Variants in TAF4B observed in about 807,000 individuals in gnomAD.
TAF4B encodes the protein transcription initiation factor TFIID subunit 4B.
TAF4B carries 38 observed loss-of-function variants against 86.4 expected under a neutral mutation model. The ratio of observed to expected loss-of-function variants is 0.44; its 90% CI spans 0.34 to 0.58. The LOEUF is 0.58. Ranked by LOEUF, TAF4B falls within the 20% of genes least tolerant of loss-of-function variation. The probability of loss-of-function intolerance (pLI) is 0.02; values close to 1 mark genes in which losing one functional copy is unlikely to be tolerated. For missense variants in TAF4B, 988 were observed against 1,027.6 expected, an observed-to-expected ratio of 0.96 and a Z score of 0.53; for synonymous variants, 388 against 391.2, an observed-to-expected ratio of 0.99 and a Z score of 0.10.
chr18:26,384,230 A>AT (rs1413856389), intron 14 of TAF4B, among the ~76,000 whole-genome samples: 1 of 152,174 alleles, frequency 6.6e-6, no homozygotes, highest in Non-Finnish European at 1.5e-5. Context: ...TTGCCTCTTG[A>AT]TTCCTCTATT....
chr18:26,321,329 A>C (rs1246323552), intron 11 of TAF4B, 129 bp downstream of exon 11: 3 of 927,840 alleles, frequency 3.2e-6, no homozygotes, highest in Admixed American at 5.6e-5. Flanking sequence ...TGGAAAATCA[A>C]AGTCTCATTC....
Position 26,357,725 on chromosome 18 carries a change from A to T in TAF4B, c.2352A>T (p.Arg784Ser). Residue 784 changes from arginine to serine, a missense_variant, in exon 14 of 15, where the codon AGA (arginine) becomes AGT (serine). Coordinates refer to ENST00000269142, the MANE Select transcript of TAF4B (RefSeq NM_005640.3). ...TGGAACTTGCACAGATACAGCATAG[A>T]GACGCTAATCTCACAGCTCTTGCAG... Reference protein sequence around the residue: ...QQLELAQIQHRDANLTALAAI... With the variant: ...QQLELAQIQHSDANLTALAAI... 1.2e-6 allele frequency: 2 copies of T among 1,613,146 alleles called. No homozygotes were observed. Among genetic ancestry groups the T allele is most frequent in the Non-Finnish European group, 1.7e-6 (2 of 1,179,522 alleles).
chr18:26,227,693 G>A (rs1327854422), intron 1 of TAF4B, among the ~76,000 whole-genome samples: 1 of 152,138 alleles, frequency 6.6e-6, no homozygotes, highest in Non-Finnish European at 1.5e-5. Flanking sequence ...TCGCTCTGTC[G>A]CCCAGTCTGG....
intron 3 of TAF4B, among the ~76,000 whole-genome samples, chr18:26,273,102 A>G (rs147747991): frequency 2.5e-4 from 38 of 152,342 alleles, no homozygotes; most frequent in Middle Eastern, 6.8e-3. Flanking sequence ...TGAACTGAAC[A>G]GCTTTCCCTA....
In TAF4B at chr18:26,286,357, C is replaced by A. The variant is rs1598759688; in HGVS notation, c.1448C>A (p.Ser483Tyr). 2.5e-6 allele frequency: 4 copies of A among 1,614,222 alleles called. 1 individual carries two copies. The highest frequency in any genetic ancestry group is 3.4e-6 in the Non-Finnish European group (4 of 1,180,044). ...ETSGAAICLP[S>Y]VKPVVSSAGT... ...TCAGGTGCAGCTATTTGTCTTCCAT[C>A]TGTGAAACCTGTTGTTTCTTCTGCT... Residue 483 changes from serine (S) to tyrosine (Y), a missense_variant, in exon 7 of 15, where the codon TCT becomes TAT. By Grantham distance (144) the Ser-to-Tyr change is moderately radical. Around this residue, in one of 3 missense-constraint regions of TAF4B, gnomAD observed 747 missense variants for 737.9 expected, o/e 1.01. Coordinates refer to ENST00000269142, the MANE Select transcript of TAF4B (RefSeq NM_005640.3).
chr18:26,338,958 A>G (rs2057114766), intron 13 of TAF4B, among the ~76,000 whole-genome samples: 1 of 152,212 alleles, frequency 6.6e-6, no homozygotes, highest in Non-Finnish European at 1.5e-5. Context: ...GCTCTTAAAA[A>G]CAGACTGCCT....
chr18:26,283,697 C>G (rs975480929), intron 6 of TAF4B, among the ~76,000 whole-genome samples: 1 of 152,180 alleles, frequency 6.6e-6, no homozygotes, highest in African/African-American at 2.4e-5. Flanking sequence ...GACTTTTCCT[C>G]AGCCAAAAGC....
rs776578086 is a variant in TAF4B, at chr18:26,286,128, G to T, written c.1219G>T (p.Ala407Ser). The T allele has an allele frequency of 5.6e-6, 9 of 1,614,120 alleles. No homozygotes were observed. Among genetic ancestry groups the T allele is most frequent in the Middle Eastern group, 1.6e-4 (1 of 6,084 alleles). Residue 407 changes from alanine (A) to serine (S), a missense_variant, in exon 7 of 15, where the codon GCT becomes TCT. Physicochemically the swap from Ala to Ser is moderately conservative, Grantham distance 99 (BLOSUM62 1). This residue lies in a region of TAF4B where 747 missense variants were observed against 737.9 expected (regional missense o/e 1.01). Transcript: ENST00000269142. The stretch of plus-strand genomic sequence containing the variant: ...ACTTGCTGGTCCAGTGGGAGCAAAA[G>T]CTGGAGTTGTGACACTTCATTCTGT... ...NPLAGPVGAK[A>S]GVVTLHSVGP... is the part of the protein sequence containing the mutation.
intron 12 of TAF4B, among the ~76,000 whole-genome samples, chr18:26,328,146 T>C (rs1466206768): frequency 6.6e-6 from 1 of 152,178 alleles, no homozygotes; most frequent in African/African-American, 2.4e-5. Context: ...GCAATTACTT[T>C]TTTAAAAACT....
intron 12 of TAF4B, among the ~76,000 whole-genome samples, chr18:26,332,302 A>T (rs1302234050): frequency 6.6e-6 from 1 of 152,148 alleles, no homozygotes; most frequent in African/African-American, 2.4e-5. Context: ...CTGTGCTTTG[A>T]TGCTAGTCCA....
rs576040406 is a variant in TAF4B at position 26,354,963 on chromosome 18, A to C, written c.2317-2727A>C. Among the ~76,000 whole-genome samples the C allele has an allele frequency of 2.0e-5, 3 of 152,322 alleles. No homozygotes were observed. The South Asian group carries it at 6.2e-4, about 32-fold the overall frequency. ...ACAAAATTTTATTAGAATTGTGTTA[A>C]GTCTGTGGATGAATTTGGAGGGAAT... is the stretch of plus-strand genomic sequence containing the variant. On this transcript the variant is annotated intron_variant, in intron 13 of 14. Coordinates refer to ENST00000269142, the MANE Select transcript of TAF4B (RefSeq NM_005640.3).
chr18:26,359,017 A>G (rs1184402048), intron 14 of TAF4B, among the ~76,000 whole-genome samples: 2 of 152,150 alleles, frequency 1.3e-5, no homozygotes, highest in South Asian at 4.1e-4. Context: ...GCCCAACCAG[A>G]TGTAACCACT....
At chr18:26,247,294 A>T (rs757442297) in intron 1 of TAF4B, among the ~76,000 whole-genome samples, 1 of 152,226 alleles carries the variant, frequency 6.6e-6, no homozygotes, top group African/African-American at 2.4e-5. Context: ...AACACCATTT[A>T]TGTGGAATAC....
intron 13 of TAF4B, among the ~76,000 whole-genome samples, chr18:26,356,231 T>A (rs996353050): frequency 6.6e-6 from 1 of 152,088 alleles, no homozygotes; most frequent in African/African-American, 2.4e-5. Flanking sequence ...ATAAGGGCAC[T>A]AAGTCTCCAC....
intron 9 of TAF4B, among the ~76,000 whole-genome samples, chr18:26,312,102 A>G (rs1229825535): frequency 6.6e-6 from 1 of 152,198 alleles, no homozygotes; most frequent in Admixed American, 6.5e-5. Context: ...TTTTAAAACA[A>G]AACAGATTGT....
At chr18:26,239,533 A>G (rs1180889310) in intron 1 of TAF4B, among the ~76,000 whole-genome samples, 1 of 152,196 alleles carries the variant, frequency 6.6e-6, no homozygotes, top group Non-Finnish European at 1.5e-5. Context: ...CCCACTCTGT[A>G]GGTTGCCTGT....
chr18:26,321,832 T>C (rs1425849405), intron 11 of TAF4B, among the ~76,000 whole-genome samples: 2 of 152,138 alleles, frequency 1.3e-5, no homozygotes, highest in East Asian at 3.8e-4. Context: ...CACTTGTTCA[T>C]CCTCTGTTCC....
At chr18:26,342,754 G>A (rs951643671) in intron 13 of TAF4B, among the ~76,000 whole-genome samples, 6 of 152,194 alleles carry the variant, frequency 3.9e-5, no homozygotes, top group Admixed American at 3.9e-4. Flanking sequence ...TAGAGACTGT[G>A]AAAAGAGAAA....
intron 13 of TAF4B, among the ~76,000 whole-genome samples, chr18:26,336,465 CAT>C (rs1276458420): frequency 1.3e-5 from 2 of 151,824 alleles, no homozygotes; most frequent in East Asian, 3.9e-4. Flanking sequence ...TTTTCATTAA[CAT>C]AGAGAAGGAA....
Sources: allele counts gnomAD v4.1 joint callset (sites outside exome capture counted in the v4.1 genomes callset), GRCh38; gene constraint gnomAD v4.1.1; regional missense constraint gnomAD v4.1.1; transcripts MANE v1.5; gene names NCBI Gene and HGNC (gene_info 2026-07-23, HGNC 2026-07-21).